EMSY: variants seen among roughly 807,000 people sequenced by gnomAD.
The protein encoded by EMSY is EMSY transcriptional repressor, BRCA2 interacting.
A neutral mutation model predicts 134.6 loss-of-function variants in EMSY; 26 were observed. The observed-to-expected ratio is 0.19, with a 90% CI of 0.14 to 0.27. The LOEUF is 0.27. Among genes scored for constraint, EMSY ranks in the 10% least tolerant of loss-of-function variants. EMSY has a pLI of 1.00. For synonymous variants in EMSY, 579 were observed against 577.8 expected (o/e 1.00, Z -0.03); for missense variants, 1,305 against 1,611.4 (o/e 0.81, Z 3.26).
chr11:76,474,816 T>G (rs946067776), intron 8 of EMSY, among the ~76,000 whole-genome samples: 1 of 152,130 alleles, frequency 6.6e-6, no homozygotes, highest in Admixed American at 6.5e-5. Flanking sequence ...CAGGCTAGAG[T>G]GCAGTGGCAT....
chr11:76,495,221 T>G (rs1329306853), intron 8 of EMSY, among the ~76,000 whole-genome samples: 1 of 152,238 alleles, frequency 6.6e-6, no homozygotes, highest in East Asian at 1.9e-4. Flanking sequence ...AACGTGATAT[T>G]ATTTAAAACC....
At chr11:76,466,226 A>G (rs138324931) in intron 7 of EMSY, among the ~76,000 whole-genome samples, 19 of 152,250 alleles carry the variant, frequency 1.2e-4, no homozygotes, top group African/African-American at 4.6e-4. Flanking sequence ...TCGTTCTTAA[A>G]CAGATTTTCA....
At chr11:76,544,933 C>T in intron 19 of EMSY, 111 bp downstream of exon 20, 3 of 1,210,172 alleles carry the variant, frequency 2.5e-6, no homozygotes, top group Non-Finnish European at 3.4e-6. Flanking sequence ...CAAGAGGAAA[C>T]CCAAAAGCCT....
chr11:76,520,743 C>A (rs1565342233), intron 11 of EMSY, among the ~76,000 whole-genome samples: 1 of 152,044 alleles, frequency 6.6e-6, no homozygotes, highest in African/African-American at 2.4e-5. Context: ...CTAGAATATT[C>A]TTATTCTTAG....
exon 9 of EMSY, chr11:76,496,393 A>G (rs1949655927): frequency 1.2e-6 from 2 of 1,614,138 alleles, no homozygotes; most frequent in Non-Finnish European, 1.7e-6. Context: ...CTTCTCCAGT[A>G]TCTCATCAGC....
chr11:76,515,459 A>T (rs1207678831), intron 10 of EMSY, among the ~76,000 whole-genome samples: 1 of 152,094 alleles, frequency 6.6e-6, no homozygotes, highest in Non-Finnish European at 1.5e-5. Flanking sequence ...AATAGTGGGG[A>T]AGGGTATAAA....
At chr11:76,477,270 G>GTTTTTTTTTTTTTTTTTTTTTTTT (rs529328999) in intron 8 of EMSY, among the ~76,000 whole-genome samples, 1 of 139,152 alleles carries the variant, frequency 7.2e-6, no homozygotes. Flanking sequence ...ATTTATTTCT[G>GTTTTTTTTTTTTTTTTTTTTTTTT]TTTTTTTTTT....
intron 9 of EMSY, among the ~76,000 whole-genome samples, chr11:76,504,300 A>T (rs988952914): frequency 6.7e-6 from 1 of 148,894 alleles, no homozygotes; most frequent in Non-Finnish European, 1.5e-5. Context: ...ATATATATAT[A>T]ATATATATAT....
rs1394191746 is a variant in EMSY at position 76,535,761 on chromosome 11, T to G, written c.2195-134T>G. 4 of 656,022 alleles carry G rather than the reference T, an allele frequency of 6.1e-6. No homozygotes were observed. In the African/African-American group the frequency reaches 7.4e-5, roughly 12 times the overall value. The allele number at this position is 656,022 out of a possible 1,614,324, so 40.6% of individuals were successfully genotyped here. ...TTATGCCTTCTAGGGGCTTATAGTC[T>G]TCTTGGGGAGATAAAGCATGAAGTT... On this transcript the variant is annotated intron_variant, in intron 14 of 20. Coordinates refer to ENST00000334736, the Ensembl canonical transcript of EMSY.
At chr11:76,506,000 C>A (rs1363062450) in intron 9 of EMSY, among the ~76,000 whole-genome samples, 1 of 151,966 alleles carries the variant, frequency 6.6e-6, no homozygotes, top group Non-Finnish European at 1.5e-5. Flanking sequence ...CCCAACTCTA[C>A]AAAAAAAATT....
intron 8 of EMSY, among the ~76,000 whole-genome samples, chr11:76,486,193 T>G (rs1010713046): frequency 6.6e-6 from 1 of 151,650 alleles, no homozygotes; most frequent in African/African-American, 2.4e-5. Context: ...TAAGTGGGAG[T>G]TGAACAATGA....
At chr11:76,508,235 G>A (rs1044401168) in intron 9 of EMSY, among the ~76,000 whole-genome samples, 25 of 152,060 alleles carry the variant, frequency 1.6e-4, no homozygotes, top group African/African-American at 6.0e-4. Context: ...CCTGCACAAC[G>A]GATGTTATGT....
At chr11:76,458,408 C>T (rs147054631) in intron 5 of EMSY, 50 bp downstream of exon 6, 450 of 1,470,416 alleles carry the variant, frequency 3.1e-4, no homozygotes, top group South Asian at 1.8e-3. Flanking sequence ...TTAGAATCTT[C>T]AAGAAAATTT....
exon 14 of EMSY, chr11:76,528,430 A>G (rs1565350303): frequency 6.2e-7 from 1 of 1,611,326 alleles, no homozygotes; most frequent in Non-Finnish European, 8.5e-7. Flanking sequence ...TACAGATAGT[A>G]GTTCCTCTTC....
chr11:76,514,369 A>G (rs1055646822), intron 10 of EMSY, among the ~76,000 whole-genome samples: 4 of 152,148 alleles, frequency 2.6e-5, no homozygotes, highest in African/African-American at 9.7e-5. Flanking sequence ...TTTAGATGAC[A>G]GAATTTAAAT....
chr11:76,545,938 C>G (rs1565369535), exon 20 of EMSY: 1 of 1,614,210 alleles, frequency 6.2e-7, no homozygotes, highest in Admixed American at 1.7e-5. Flanking sequence ...ATCTCCCATT[C>G]AGGCCTCTGA....
intron 9 of EMSY, among the ~76,000 whole-genome samples, chr11:76,506,279 A>C (rs1950072757): frequency 6.6e-6 from 1 of 152,222 alleles, no homozygotes; most frequent in African/African-American, 2.4e-5. Context: ...TTTGGTTATC[A>C]ATATATTGTA....
chr11:76,524,974 G>A (rs555114482), intron 12 of EMSY, among the ~76,000 whole-genome samples: 11 of 152,312 alleles, frequency 7.2e-5, no homozygotes, highest in African/African-American at 2.6e-4. Flanking sequence ...CTGAGATCTT[G>A]CCACTGTACT....
intron 14 of EMSY, among the ~76,000 whole-genome samples, chr11:76,530,438 G>A (rs1469287007): frequency 1.3e-5 from 2 of 152,138 alleles, no homozygotes; most frequent in Admixed American, 6.5e-5. Context: ...TGGGATTATA[G>A]GCGTGAGCCA....
Sources: gnomAD v4.1 joint callset for allele counts (sites outside exome capture counted in the v4.1 genomes callset) on GRCh38, gnomAD v4.1.1 for gene constraint, MANE v1.5 for transcripts, NCBI Gene and HGNC (gene_info 2026-07-23, HGNC 2026-07-21) for gene names.